The following JAGN1 variants were observed in gnomAD, a reference collection of about 807,000 sequenced individuals.
The protein encoded by JAGN1 is protein jagunal homolog 1.
JAGN1 carries 13 observed loss-of-function variants against 17.1 expected under a neutral mutation model. That is an observed-to-expected ratio of 0.76 (90% CI 0.49 to 1.21). The LOEUF (loss-of-function observed/expected upper bound fraction) is 1.21, where lower values mean the gene tolerates loss of function less well. Among genes scored for constraint, JAGN1 ranks in the 50% most tolerant of loss-of-function variants. The pLI is 0.00. For missense variants in JAGN1, 256 were observed against 234.2 expected (o/e 1.09, Z -0.61); for synonymous variants, 111 against 91.0 (o/e 1.22, Z -1.25).
chr3:9,890,612 C>A lies in JAGN1; in HGVS notation c.-111C>A, dbSNP rs1163610752. The A allele has an allele frequency of 4.9e-6, 5 of 1,020,056 alleles. No homozygotes were observed. In the South Asian group the frequency reaches 7.9e-5, roughly 16 times the overall value. The allele number at this position is 1,020,056 out of a possible 1,614,324, so 63.2% of individuals were successfully genotyped here. ...CAGAGACAGAGGGGCCGGAAGTTCTCTTCACGGAGCCGCGCGGCTGCGGGG... is the reference window on the plus strand; with the variant it reads ...CAGAGACAGAGGGGCCGGAAGTTCTATTCACGGAGCCGCGCGGCTGCGGGG... On this transcript the variant is annotated 5_prime_UTR_variant, in exon 1 of 2. Coordinates refer to ENST00000647897, the MANE Select transcript of JAGN1 (RefSeq NM_032492.4).
intron 1 of JAGN1, among the ~76,000 whole-genome samples, chr3:9,892,318 G>T (rs1392589253): frequency 3.3e-5 from 5 of 150,734 alleles, no homozygotes; most frequent in African/African-American, 1.2e-4. Flanking sequence ...GCCCAGCCCT[G>T]CCTTTTTATT....
At chr3:9,890,834 C>T (rs1192931498) in intron 1 of JAGN1, 23 bp downstream of exon 1, 2 of 1,563,870 alleles carry the variant, frequency 1.3e-6, no homozygotes, top group Admixed American at 1.9e-5. Context: ...GCGAGGAGCA[C>T]GGAGGCTTTC....
In JAGN1 at chr3:9,893,483, G is replaced by A. The variant is rs2082577163; in HGVS notation, c.*106G>A. On this transcript the variant is annotated 3_prime_UTR_variant, in exon 2 of 2. Transcript: ENST00000647897. The stretch of plus-strand genomic sequence containing the variant: ...TTTAGCAGCTGTGATGTTGGTACCT[G>A]GTGCAGACCAGGCCAAAGTTCTGGA... The A allele has an allele frequency of 3.2e-6, 3 of 936,840 alleles. No homozygotes were observed. The South Asian group carries it at 5.3e-5, about 17-fold the overall frequency. 58.0% of individuals were successfully genotyped at this position (936,840 alleles called of 1,614,324 possible). A position where few individuals can be genotyped will look rare whatever the true frequency, so the allele number is the denominator to read the frequency against.
At position 9,890,779 on chromosome 3, in the gene JAGN1, C is replaced by T. The variant is rs2082556963; in HGVS notation, c.57C>T (p.His19=). The part of the protein sequence containing the change: ...AAGTDGSDFQ[H]RERVAMHYQM... Reference sequence around the variant, plus strand: ...GCACCGACGGCAGCGACTTTCAGCACCGGGAGCGCGTCGCCATGCACTACC... The same window carrying T: ...GCACCGACGGCAGCGACTTTCAGCATCGGGAGCGCGTCGCCATGCACTACC... Residue 19 remains histidine, a synonymous_variant, in exon 1 of 2, where the codon CAC becomes CAT. Coordinates refer to ENST00000647897, the MANE Select transcript of JAGN1 (RefSeq NM_032492.4). 3.1e-6 allele frequency: 5 copies of T among 1,609,796 alleles called. No individual in the cohort carries two copies. The highest frequency in any genetic ancestry group is 4.2e-6 in the Non-Finnish European group (5 of 1,178,700).
Position 9,893,666 on chromosome 3 carries a change from C to A in JAGN1, c.*289C>A. 1 of 385,500 alleles carries A rather than the reference C, an allele frequency of 2.6e-6. No individual in the cohort carries two copies. Among genetic ancestry groups the A allele is most frequent in the Non-Finnish European group, 4.7e-6 (1 of 212,714 alleles). 23.9% of individuals were successfully genotyped at this position (385,500 alleles called of 1,614,324 possible). On this transcript the variant is annotated 3_prime_UTR_variant, in exon 2 of 2. Coordinates refer to ENST00000647897, the MANE Select transcript of JAGN1 (RefSeq NM_032492.4). ...AGCTTCGTCCTTGCCTCTACTCGGT[C>A]ATTCTCCCCATTTCCATCCATTACC... is the stretch of plus-strand genomic sequence containing the variant.
rs919199588 is a variant in JAGN1 at position 9,893,447 on chromosome 3, C to T, written c.*70C>T. 3.2e-6 allele frequency: 4 copies of T among 1,261,264 alleles called. No individual in the cohort carries two copies. The highest frequency in any genetic ancestry group is 3.0e-5 in the African/African-American group (2 of 66,254). The allele number at this position is 1,261,264 out of a possible 1,614,324, so 78.1% of individuals were successfully genotyped here. The stretch of plus-strand genomic sequence containing the variant: ...CACTAGTACAGCGGTTCCAAAATCC[C>T]TTCTGGTGATTTTAGCAGCTGTGAT... On this transcript the variant is annotated 3_prime_UTR_variant, in exon 2 of 2. Coordinates refer to ENST00000647897, the MANE Select transcript of JAGN1 (RefSeq NM_032492.4).
chr3:9,892,752 T>C (rs2082571335), intron 1 of JAGN1, 163 bp from the exon 2 acceptor site: 1 of 599,558 alleles, frequency 1.7e-6, no homozygotes, highest in Non-Finnish European at 3.0e-6. Flanking sequence ...ACTAGAACTT[T>C]TTCACTTCAT....
In JAGN1 at chr3:9,892,941, A is replaced by G; in HGVS notation, c.116A>G (p.Lys39Arg). 1 of 1,612,218 alleles carries G rather than the reference A, an allele frequency of 6.2e-7. No homozygotes were observed. Reference sequence around the variant, plus strand: ...GTGACTCTCAAGTATGAAATCAAGAAGCTGATCTACGTACATCTGGTCATA... The same window carrying G: ...GTGACTCTCAAGTATGAAATCAAGAGGCTGATCTACGTACATCTGGTCATA... ...MSVTLKYEIK[K>R]LIYVHLVIWL... The change falls in exon 2 of 2, where the codon AAG (lysine) becomes AGG (arginine). Residue 39 changes from lysine (K) to arginine (R), a missense_variant. By Grantham distance (26) the Lys-to-Arg change is conservative. Transcript: ENST00000647897.
rs2082581643 is a variant in JAGN1, at chr3:9,894,150, G to T, written c.*773G>T. 6.6e-6 allele frequency: 1 copy of T among 152,160 alleles called. No homozygotes were observed. Among genetic ancestry groups the T allele is most frequent in the Admixed American group, 6.5e-5 (1 of 15,268 alleles). The allele number at this position is 152,160 out of a possible 1,614,324, so 9.4% of individuals were successfully genotyped here. On this transcript the variant is annotated 3_prime_UTR_variant, in exon 2 of 2. Coordinates refer to ENST00000647897, the MANE Select transcript of JAGN1 (RefSeq NM_032492.4). The stretch of plus-strand genomic sequence containing the variant: ...ACATTTATCTTTCAGTGTTAACTGG[G>T]TATCAGTTATGAGTCTACTACTGTA...
At position 9,893,604 on chromosome 3, in the gene JAGN1, G is replaced by C. The variant is rs1026158669; in HGVS notation, c.*227G>C. On this transcript the variant is annotated 3_prime_UTR_variant, in exon 2 of 2. Transcript: ENST00000647897. ...AACAGCTATGAAACAAATTTCAGCT[G>C]TTTGAAGTTGAACTTTGAGGTTTTT... is the stretch of plus-strand genomic sequence containing the variant. 9.5e-6 allele frequency: 5 copies of C among 525,530 alleles called. No individual in the cohort carries two copies. Among genetic ancestry groups the C allele is most frequent in the Non-Finnish European group, 1.3e-5 (4 of 298,386 alleles). 32.6% of individuals were successfully genotyped at this position (525,530 alleles called of 1,614,324 possible).
Position 9,893,367 on chromosome 3 carries a change from A to G in JAGN1, c.542A>G (p.Lys181Arg), listed in dbSNP as rs1387440057. ...DSWFTSTQEK[K>R]HK ...TGGTTCACCAGCACACAGGAGAAGA[A>G]GCATAAATGAAGCCTCTTTGGGGTG... Residue 181 changes from lysine to arginine, a missense_variant, in exon 2 of 2, where the codon AAG becomes AGG. Transcript: ENST00000647897. 1.9e-6 allele frequency: 3 copies of G among 1,609,628 alleles called. No individual in the cohort carries two copies. Among genetic ancestry groups the G allele is most frequent in the Non-Finnish European group, 2.5e-6 (3 of 1,177,878 alleles).
chr3:9,891,961 G>A (rs2082565281), intron 1 of JAGN1, among the ~76,000 whole-genome samples: 1 of 152,242 alleles, frequency 6.6e-6, no homozygotes, highest in East Asian at 1.9e-4. Context: ...TGCAGTCAGC[G>A]TCCTCTTGCT....
chr3:9,891,457 A>G (rs900522022), intron 1 of JAGN1, among the ~76,000 whole-genome samples: 3 of 152,134 alleles, frequency 2.0e-5, no homozygotes, highest in South Asian at 2.1e-4. Flanking sequence ...TGGTCTTTGT[A>G]TACATGTTAT....
In JAGN1 at chr3:9,893,660, C is replaced by G. The variant is rs1559260402; in HGVS notation, c.*283C>G. ...AGAATGAGCTTCGTCCTTGCCTCTA[C>G]TCGGTCATTCTCCCCATTTCCATCC... On this transcript the variant is annotated 3_prime_UTR_variant, in exon 2 of 2. Transcript: ENST00000647897. 2 of 397,058 alleles carry G rather than the reference C, an allele frequency of 5.0e-6. No homozygotes were observed. The highest frequency in any genetic ancestry group is 9.1e-6 in the Non-Finnish European group (2 of 219,816). 24.6% of individuals were successfully genotyped at this position (397,058 alleles called of 1,614,324 possible).
rs1474018670 is a variant in JAGN1, at chr3:9,892,998, GA to G, written c.174del (p.His59ThrfsTer2). ...CTGCTGGTTGCTAAGATGAGCGTGGGACACCTGAGGCTCTTGTCACATGATC... is the reference window on the plus strand; with the variant it reads ...CTGCTGGTTGCTAAGATGAGCGTGGGCACCTGAGGCTCTTGTCACATGATC... The part of the protein sequence containing the change: ...WLLLVAKMSV[G>X]HLRLLSHDQV... On this transcript the variant is annotated frameshift_variant, in exon 2 of 2. Coordinates refer to ENST00000647897, the MANE Select transcript of JAGN1 (RefSeq NM_032492.4). LOFTEE classifies it high-confidence loss of function. 6.2e-7 allele frequency: 1 copy of G among 1,614,180 alleles called. No homozygotes were observed. The highest frequency in any genetic ancestry group is 8.5e-7 in the Non-Finnish European group (1 of 1,180,030).
Position 9,893,768 on chromosome 3 carries a change from T to A in JAGN1, c.*391T>A, listed in dbSNP as rs1057287174. On this transcript the variant is annotated 3_prime_UTR_variant, in exon 2 of 2. Transcript: ENST00000647897. ...TCTAGGTCACGGGTCAGGAAACATT[T>A]GGGCAGCTGCTCCCTTGGCAGGCTG... is the stretch of plus-strand genomic sequence containing the variant. 5.6e-6 allele frequency: 1 copy of A among 178,046 alleles called. No individual in the cohort carries two copies. The highest frequency in any genetic ancestry group is 2.6e-5 in the African/African-American group (1 of 38,226). The allele number at this position is 178,046 out of a possible 1,614,324, so 11.0% of individuals were successfully genotyped here.
intron 1 of JAGN1, among the ~76,000 whole-genome samples, chr3:9,891,122 A>G (rs2082560430): frequency 6.6e-6 from 1 of 152,220 alleles, no homozygotes; most frequent in African/African-American, 2.4e-5. Context: ...CCGAATTTCT[A>G]ATTTGAGCCT....
In JAGN1 at chr3:9,893,358, A is replaced by G. The variant is rs764403550; in HGVS notation, c.533A>G (p.Gln178Arg). Residue 178 changes from glutamine (Q) to arginine (R), a missense_variant, in exon 2 of 2, where the codon CAG (glutamine) becomes CGG (arginine). Gln to Arg is a conservative substitution (Grantham distance 43). Coordinates refer to ENST00000647897, the MANE Select transcript of JAGN1 (RefSeq NM_032492.4). ...KLLDSWFTST[Q>R]EKKHK ...CTAGACTCTTGGTTCACCAGCACAC[A>G]GGAGAAGAAGCATAAATGAAGCCTC... 2 of 1,611,668 alleles carry G rather than the reference A, an allele frequency of 1.2e-6. No individual in the cohort carries two copies. The highest frequency in any genetic ancestry group is 2.2e-5 in the South Asian group (2 of 90,858).
At position 9,893,764 on chromosome 3, in the gene JAGN1, C is replaced by G. The variant is rs1200218810; in HGVS notation, c.*387C>G. 1 of 184,672 alleles carries G rather than the reference C, an allele frequency of 5.4e-6. No individual in the cohort carries two copies. The highest frequency in any genetic ancestry group is 2.5e-5 in the African/African-American group (1 of 39,732). 11.4% of individuals were successfully genotyped at this position (184,672 alleles called of 1,614,324 possible). A position where few individuals can be genotyped will look rare whatever the true frequency, so the allele number is the denominator to read the frequency against. On this transcript the variant is annotated 3_prime_UTR_variant, in exon 2 of 2. Coordinates refer to ENST00000647897, the MANE Select transcript of JAGN1 (RefSeq NM_032492.4). The stretch of plus-strand genomic sequence containing the variant: ...CATCTCTAGGTCACGGGTCAGGAAA[C>G]ATTTGGGCAGCTGCTCCCTTGGCAG...
Sources: allele counts gnomAD v4.1 joint callset (sites outside exome capture counted in the v4.1 genomes callset), GRCh38; gene constraint gnomAD v4.1.1; transcripts MANE v1.5; gene names NCBI Gene and HGNC (gene_info 2026-07-23, HGNC 2026-07-21).